KLRG1: variants seen among roughly 807,000 people sequenced by gnomAD.
KLRG1 encodes killer cell lectin like receptor G1.
In KLRG1, 16 loss-of-function variants were observed where a neutral mutation model predicts 21.8. The ratio of observed to expected loss-of-function variants is 0.73; its 90% CI spans 0.50 to 1.11. KLRG1 has a LOEUF of 1.11. Among genes scored for constraint, KLRG1 ranks in the 50% most tolerant of loss-of-function variants. The pLI is 0.00. For missense variants in KLRG1, 173 were observed against 218.3 expected (o/e 0.79, Z 1.31); for synonymous variants, 69 against 75.9 (o/e 0.91, Z 0.47).
At chr12:9,088,935 ACCTATG>A in the KLRG1 span, among the ~76,000 whole-genome samples, 1 of 152,264 alleles carries the variant, frequency 6.6e-6, no homozygotes, top group East Asian at 1.9e-4. Flanking sequence ...CCCACTTTCT[ACCTATG>A]CCCATACCAT....
the KLRG1 span, chr12:9,111,969 G>C: frequency 1.3e-6 from 1 of 758,172 alleles, no homozygotes; most frequent in Admixed American, 1.7e-5. Context: ...CCAGCACCAA[G>C]ACAGAAAGAA....
At chr12:9,017,373 T>C in the KLRG1 span, among the ~76,000 whole-genome samples, 428 of 150,924 alleles carry the variant, frequency 2.8e-3, no homozygotes, top group Non-Finnish European at 5.3e-3. Context: ...CTACAAAATA[T>C]TGGCAAACTG....
At chr12:9,152,657 G>A in the KLRG1 span, among the ~76,000 whole-genome samples, 1 of 152,100 alleles carries the variant, frequency 6.6e-6, no homozygotes, top group African/African-American at 2.4e-5. Flanking sequence ...TATATTTTTA[G>A]TAGAGAAAGG....
chr12:9,177,552 G>A, the KLRG1 span, among the ~76,000 whole-genome samples: 90,421 of 152,104 alleles, frequency 0.59, 27,822 homozygotes, highest in East Asian at 0.83. Context: ...AAATTGTTAT[G>A]CAGCAGTAGA....
chr12:9,128,485 G>A, the KLRG1 span: 1 of 152,504 alleles, frequency 6.6e-6, no homozygotes, highest in South Asian at 2.1e-4. Flanking sequence ...AGGCCCAGCT[G>A]GTGCGGATCC....
At chr12:8,996,392 T>C (rs1318453178) in intron 3 of KLRG1, 1 of 152,236 alleles carries the variant, frequency 6.6e-6, no homozygotes, top group Non-Finnish European at 1.5e-5. Flanking sequence ...TTAGTGCTAA[T>C]TTGATACTGA....
the KLRG1 span, among the ~76,000 whole-genome samples, chr12:9,092,140 C>T: frequency 3.9e-5 from 6 of 152,172 alleles, no homozygotes; most frequent in African/African-American, 1.4e-4. Flanking sequence ...AAACGACAGA[C>T]TTACAGGAAG....
At chr12:9,076,033 C>T in the KLRG1 span, among the ~76,000 whole-genome samples, 289 of 152,162 alleles carry the variant, frequency 1.9e-3, 1 homozygote, top group Non-Finnish European at 3.2e-3. Context: ...TTTCTTCAAC[C>T]GCTCATATAG....
chr12:9,091,487 G>C, the KLRG1 span: 4 of 1,556,948 alleles, frequency 2.6e-6, no homozygotes, highest in Non-Finnish European at 3.5e-6. Context: ...TCCTTTCTAG[G>C]GAGAGAATCC....
At chr12:9,197,053 T>A in the KLRG1 span, 1 of 1,613,574 alleles carries the variant, frequency 6.2e-7, no homozygotes, top group South Asian at 1.1e-5. Context: ...TTGTCACAAT[T>A]AAGAACACGA....
At chr12:8,987,131 A>T (rs1278041844), upstream of KLRG1, 1 of 152,100 alleles carries the variant, frequency 6.6e-6, no homozygotes, top group Non-Finnish European at 1.5e-5. Context: ...TTTTTTAAAA[A>T]ATGATCTTAA....
upstream of KLRG1, among the ~76,000 whole-genome samples, chr12:8,985,543 C>T (rs1037930459): frequency 1.2e-4 from 19 of 152,230 alleles, no homozygotes; most frequent in African/African-American, 4.3e-4. Context: ...AAGTCTGGGC[C>T]TCTGGAACAT....
At chr12:9,038,381 G>A in the KLRG1 span, among the ~76,000 whole-genome samples, 3 of 152,178 alleles carry the variant, frequency 2.0e-5, no homozygotes, top group Non-Finnish European at 4.4e-5. Flanking sequence ...AGAAATTCAT[G>A]TTTATCAGGG....
At chr12:9,167,310 G>A in the KLRG1 span, 1 of 152,186 alleles carries the variant, frequency 6.6e-6, no homozygotes, top group Non-Finnish European at 1.5e-5. Context: ...AGTGGACCAT[G>A]GCTATATCCT....
chr12:9,090,281 A>C, the KLRG1 span: 4 of 1,598,044 alleles, frequency 2.5e-6, no homozygotes, highest in African/African-American at 5.3e-5. Context: ...TGAAGGAAGT[A>C]GCACTCAATA....
the KLRG1 span, chr12:9,135,209 G>T: frequency 8.2e-6 from 2 of 242,698 alleles, no homozygotes; most frequent in South Asian, 6.1e-5. Flanking sequence ...AGGAACTGCT[G>T]ACAGAACATT....
chr12:9,093,734 T>C, the KLRG1 span, among the ~76,000 whole-genome samples: 1 of 151,730 alleles, frequency 6.6e-6, no homozygotes, highest in Non-Finnish European at 1.5e-5. Flanking sequence ...CAAGGAAAGC[T>C]TCTTTGAGGA....
At chr12:9,158,455 T>A in the KLRG1 span, 7 of 1,614,152 alleles carry the variant, frequency 4.3e-6, no homozygotes, top group Middle Eastern at 1.6e-4. Flanking sequence ...CCAGAGCTCC[T>A]GAAACAGCCA....
At chr12:9,063,738 C>T in the KLRG1 span, among the ~76,000 whole-genome samples, 3 of 152,256 alleles carry the variant, frequency 2.0e-5, no homozygotes, top group Non-Finnish European at 1.5e-5. Flanking sequence ...TATAATGACC[C>T]AGATGTGTAT....
Sources: gnomAD v4.1 joint callset for allele counts (sites outside exome capture counted in the v4.1 genomes callset) on GRCh38, gnomAD v4.1.1 for gene constraint, MANE v1.5 for transcripts, NCBI Gene and HGNC (gene_info 2026-07-23, HGNC 2026-07-21) for gene names.